The following SESTD1 variants were observed in gnomAD, a reference collection of about 807,000 sequenced individuals.
SESTD1 encodes the protein SEC14 and spectrin domain containing 1, also known as SEC14 domain and spectrin repeat-containing protein 1.
SESTD1 carries 43 observed loss-of-function variants against 101.7 expected under a neutral mutation model. That is an observed-to-expected ratio of 0.42 (90% CI 0.33 to 0.55). The LOEUF (loss-of-function observed/expected upper bound fraction) is 0.55. SESTD1 is among the 20% of genes least tolerant of loss of function. SESTD1 has a pLI of 0.07. For synonymous variants in SESTD1, 283 were observed against 286.8 expected, an observed-to-expected ratio of 0.99 and a Z score of 0.13; for missense variants, 647 against 815.1, an observed-to-expected ratio of 0.79 and a Z score of 2.51.
chr2:179,198,326 A>T (rs2046439008), intron 1 of SESTD1, among the ~76,000 whole-genome samples: 1 of 152,216 alleles, frequency 6.6e-6, no homozygotes, highest in East Asian at 1.9e-4. Context: ...TGACCTACAA[A>T]GAGACTTAGA....
At chr2:179,147,086 C>A (rs1402109609) in intron 7 of SESTD1, among the ~76,000 whole-genome samples, 3 of 151,780 alleles carry the variant, frequency 2.0e-5, no homozygotes. Context: ...TGGTCTCATG[C>A]TAAATTTTTC....
In SESTD1 at chr2:179,104,215, T is replaced by A. The variant is rs2044332699; in HGVS notation, c.*5684A>T. 6.6e-6 allele frequency: 1 copy of A among 152,156 alleles called. No homozygotes were observed. Among genetic ancestry groups the A allele is most frequent in the South Asian group, 2.1e-4 (1 of 4,830 alleles). The allele number at this position is 152,156 out of a possible 1,614,324, so 9.4% of individuals were successfully genotyped here. A position where few individuals can be genotyped will look rare whatever the true frequency, so the allele number is the denominator to read the frequency against. On this transcript the variant is annotated 3_prime_UTR_variant, in exon 18 of 18. Coordinates refer to ENST00000428443, the MANE Select transcript of SESTD1 (RefSeq NM_178123.5). ...AAAGGCTTCTGAGACTATTCGTAAG[T>A]GTGATGTGAGCAATCAGTTCTCAAA...
intron 1 of SESTD1, among the ~76,000 whole-genome samples, chr2:179,194,026 G>A (rs1413910006): frequency 2.0e-5 from 3 of 152,120 alleles, no homozygotes; most frequent in Non-Finnish European, 4.4e-5. Flanking sequence ...GAATGTGCAT[G>A]ACTATATTCT....
At chr2:179,116,933 A>G (rs980063848) in intron 14 of SESTD1, 143 bp from the exon 15 acceptor site, 1 of 1,139,920 alleles carries the variant, frequency 8.8e-7, no homozygotes, top group Non-Finnish European at 1.2e-6. Context: ...ATTTCATTCA[A>G]TGATAAGCTA....
intron 1 of SESTD1, among the ~76,000 whole-genome samples, chr2:179,205,068 T>C (rs1302712117): frequency 7.4e-6 from 1 of 134,864 alleles, no homozygotes; most frequent in Non-Finnish European, 1.6e-5. Context: ...CTGTAAATTA[T>C]ACAAAATAAA....
At chr2:179,130,579 T>A (rs1363517763) in intron 10 of SESTD1, among the ~76,000 whole-genome samples, 3 of 152,048 alleles carry the variant, frequency 2.0e-5, no homozygotes, top group African/African-American at 7.2e-5. Context: ...CAGTACAGTA[T>A]GTATACAATC....
chr2:179,126,013 C>T (rs1438847043), intron 10 of SESTD1, among the ~76,000 whole-genome samples: 1 of 152,200 alleles, frequency 6.6e-6, no homozygotes, highest in Non-Finnish European at 1.5e-5. Flanking sequence ...TCTTCTCTGT[C>T]TCCCATCAGT....
At chr2:179,232,611 G>C (rs1300459421) in intron 1 of SESTD1, among the ~76,000 whole-genome samples, 3 of 152,100 alleles carry the variant, frequency 2.0e-5, no homozygotes, top group Non-Finnish European at 4.4e-5. Context: ...GAAATAACCT[G>C]AATGTCCACA....
At chr2:179,235,584 T>G (rs2047054313) in intron 1 of SESTD1, among the ~76,000 whole-genome samples, 1 of 152,190 alleles carries the variant, frequency 6.6e-6, no homozygotes, top group South Asian at 2.1e-4. Context: ...TCCTGTACCC[T>G]CTACATGCAA....
chr2:179,133,166 T>A (rs897919447), intron 9 of SESTD1, among the ~76,000 whole-genome samples: 1 of 151,866 alleles, frequency 6.6e-6, no homozygotes, highest in Non-Finnish European at 1.5e-5. Flanking sequence ...TTCAGCTGAG[T>A]CCCTCAAGCA....
intron 9 of SESTD1, among the ~76,000 whole-genome samples, chr2:179,134,247 A>G (rs1309917197): frequency 6.6e-6 from 1 of 152,224 alleles, no homozygotes; most frequent in African/African-American, 2.4e-5. Context: ...TGTTATAGCC[A>G]ATTCTCATAG....
chr2:179,240,771 A>T (rs2105546657), intron 1 of SESTD1, among the ~76,000 whole-genome samples: 1 of 152,090 alleles, frequency 6.6e-6, no homozygotes, highest in Non-Finnish European at 1.5e-5. Context: ...ACCCCTCAGG[A>T]GTGTGAAGTG....
intron 1 of SESTD1, among the ~76,000 whole-genome samples, chr2:179,252,462 C>A (rs2047332372): frequency 1.3e-5 from 2 of 152,184 alleles, no homozygotes; most frequent in African/African-American, 4.8e-5. Context: ...GTCTTCTGAG[C>A]TGCCTGTAAG....
At chr2:179,113,966 T>TA (rs770737705) in intron 16 of SESTD1, among the ~76,000 whole-genome samples, 2 of 150,998 alleles carry the variant, frequency 1.3e-5, no homozygotes, top group South Asian at 4.2e-4. Context: ...TTACACAGGG[T>TA]GGGGGGAGCT....
At position 179,102,149 on chromosome 2, in the gene SESTD1, AT is replaced by A. The variant is rs1181730799; in HGVS notation, c.*7749del. The A allele has an allele frequency of 1.3e-5, 2 of 152,140 alleles. No homozygotes were observed. The highest frequency in any genetic ancestry group is 4.8e-5 in the African/African-American group (2 of 41,434). The allele number at this position is 152,140 out of a possible 1,614,324, so 9.4% of individuals were successfully genotyped here. On this transcript the variant is annotated 3_prime_UTR_variant, in exon 18 of 18. Transcript: ENST00000428443. ...CCACTGTCTATTATGGTGAGAACCT[AT>A]TTCTGACAACATGAGACGTAGAGAA...
chr2:179,136,674 G>C (rs1432831610), intron 9 of SESTD1, among the ~76,000 whole-genome samples: 2 of 152,072 alleles, frequency 1.3e-5, no homozygotes, highest in African/African-American at 4.8e-5. Flanking sequence ...CACTAACAAT[G>C]TATAGTTTTT....
At chr2:179,197,952 C>A (rs1046656454) in intron 1 of SESTD1, among the ~76,000 whole-genome samples, 3 of 151,962 alleles carry the variant, frequency 2.0e-5, no homozygotes, top group African/African-American at 4.8e-5. Context: ...CAAATTCACA[C>A]ATAACAATAT....
At chr2:179,207,040 C>A (rs1314374835) in intron 1 of SESTD1, among the ~76,000 whole-genome samples, 1 of 133,540 alleles carries the variant, frequency 7.5e-6, no homozygotes, top group Non-Finnish European at 1.6e-5. Context: ...AAAGTGACCA[C>A]AGAAACCCCC....
At chr2:179,159,755 G>T (rs562995173) in intron 5 of SESTD1, among the ~76,000 whole-genome samples, 1 of 152,194 alleles carries the variant, frequency 6.6e-6, no homozygotes, top group Admixed American at 6.5e-5. Flanking sequence ...AAACCTATAT[G>T]AAAGTTTAAA....
Sources: allele counts gnomAD v4.1 joint callset (sites outside exome capture counted in the v4.1 genomes callset), GRCh38; gene constraint gnomAD v4.1.1; transcripts MANE v1.5; gene names NCBI Gene and HGNC (gene_info 2026-07-23, HGNC 2026-07-21).